Variants in PTPRD observed in about 807,000 individuals in gnomAD.
The protein encoded by PTPRD is receptor-type tyrosine-protein phosphatase delta.
In PTPRD, 34 loss-of-function variants were observed where a neutral mutation model predicts 214.5. The observed-to-expected ratio is 0.16, with a 90% CI of 0.12 to 0.21. The LOEUF is 0.21. Ranked by LOEUF, PTPRD falls within the 10% of genes least tolerant of loss-of-function variation. The pLI, the probability that PTPRD is intolerant of heterozygous loss-of-function variation, is 1.00. For synonymous variants in PTPRD, 1,128 were observed against 845.7 expected (o/e 1.33, Z -5.79); for missense variants, 2,545 against 2,398.7 (o/e 1.06, Z -1.27).
intron 7 of PTPRD, among the ~76,000 whole-genome samples, chr9:9,585,819 G>C (rs1209888118): frequency 6.6e-6 from 1 of 151,978 alleles, no homozygotes; most frequent in Non-Finnish European, 1.5e-5. Context: ...GAGACTCAAA[G>C]GTAGGTAGGG....
At chr9:8,818,653 T>C (rs2096973984) in intron 11 of PTPRD, among the ~76,000 whole-genome samples, 1 of 152,220 alleles carries the variant, frequency 6.6e-6, no homozygotes, top group Non-Finnish European at 1.5e-5. Flanking sequence ...TGAATTAGTA[T>C]TATATTCATT....
At chr9:10,420,848 A>G (rs1332274877) in intron 2 of PTPRD, among the ~76,000 whole-genome samples, 1 of 150,092 alleles carries the variant, frequency 6.7e-6, no homozygotes, top group Non-Finnish European at 1.5e-5. Context: ...CTTTTTTTTT[A>G]TTCTTTATAA....
chr9:9,843,721 T>A (rs538710777), intron 5 of PTPRD, among the ~76,000 whole-genome samples: 4 of 151,976 alleles, frequency 2.6e-5, no homozygotes, highest in African/African-American at 9.6e-5. Flanking sequence ...ATCTAGAAAA[T>A]CAACATAAGC....
chr9:8,722,452 G>A (rs990168231), intron 12 of PTPRD, among the ~76,000 whole-genome samples: 1 of 151,798 alleles, frequency 6.6e-6, no homozygotes, highest in African/African-American at 2.4e-5. Flanking sequence ...ATTCCCATTG[G>A]TCTTAAAATA....
At chr9:9,991,081 C>T (rs1219025753) in intron 4 of PTPRD, among the ~76,000 whole-genome samples, 1 of 150,352 alleles carries the variant, frequency 6.7e-6, no homozygotes, top group African/African-American at 2.4e-5. Flanking sequence ...ATTACAGGCA[C>T]CCACCACCAC....
At chr9:8,593,740 C>G (rs1242241530) in intron 14 of PTPRD, among the ~76,000 whole-genome samples, 1 of 152,126 alleles carries the variant, frequency 6.6e-6, no homozygotes, top group Non-Finnish European at 1.5e-5. Context: ...TTGGAAAATG[C>G]AACTTCTAAA....
intron 11 of PTPRD, among the ~76,000 whole-genome samples, chr9:8,768,073 T>C (rs116704088): frequency 6.6e-6 from 1 of 152,136 alleles, no homozygotes; most frequent in Non-Finnish European, 1.5e-5. Context: ...AAGACAGTTG[T>C]TACTATTTGG....
intron 2 of PTPRD, among the ~76,000 whole-genome samples, chr9:10,552,110 T>C (rs1053665032): frequency 3.3e-5 from 5 of 152,188 alleles, no homozygotes; most frequent in Non-Finnish European, 7.3e-5. Flanking sequence ...CTCTTTTTAT[T>C]AGTACAATTT....
At chr9:8,865,682 A>T (rs12685753) in intron 11 of PTPRD, among the ~76,000 whole-genome samples, 29,223 of 152,040 alleles carry the variant, frequency 0.19, 3,181 homozygotes, top group East Asian at 0.3. Context: ...CTAGAAGCAG[A>T]TCTCAAAAAA....
chr9:8,567,192 T>G (rs10511501), intron 14 of PTPRD, among the ~76,000 whole-genome samples: 3,852 of 152,304 alleles, frequency 0.025, 179 homozygotes, highest in East Asian at 0.16. Context: ...GCAGATGGGT[T>G]CCATGATGAA....
intron 12 of PTPRD, among the ~76,000 whole-genome samples, chr9:8,655,079 C>T (rs983386874): frequency 3.9e-4 from 59 of 151,994 alleles, no homozygotes; most frequent in African/African-American, 1.4e-3. Context: ...AAGCAATCAA[C>T]GATTCAAAAA....
intron 8 of PTPRD, among the ~76,000 whole-genome samples, chr9:9,486,154 A>AAAAAAAAAAG (rs2095625032): frequency 1.2e-5 from 1 of 82,472 alleles, no homozygotes; most frequent in African/African-American, 4.8e-5. Context: ...CTCTCTCAAA[A>AAAAAAAAAAG]AAAAAAAAAA....
chr9:8,911,415 T>TGTGTGTTGTGTGTGTG (rs1555510111), intron 11 of PTPRD, among the ~76,000 whole-genome samples: 1 of 127,732 alleles, frequency 7.8e-6, no homozygotes, highest in South Asian at 2.6e-4. Flanking sequence ...TGTGTGTGTG[T>TGTGTGTTGTGTGTGTG]TGTGTGTGTG....
chr9:8,476,756 T>A (rs2096773994), intron 30 of PTPRD, among the ~76,000 whole-genome samples: 1 of 152,226 alleles, frequency 6.6e-6, no homozygotes, highest in African/African-American at 2.4e-5. Context: ...CATGGAATTA[T>A]TCTTCCACTG....
At chr9:8,548,552 G>A (rs1447745798) in intron 14 of PTPRD, among the ~76,000 whole-genome samples, 1 of 151,838 alleles carries the variant, frequency 6.6e-6, no homozygotes, top group Non-Finnish European at 1.5e-5. Context: ...ATTTTTAGTA[G>A]AGATGGGGTT....
At chr9:9,347,531 G>C (rs993628909) in intron 9 of PTPRD, among the ~76,000 whole-genome samples, 3 of 151,794 alleles carry the variant, frequency 2.0e-5, no homozygotes, top group Admixed American at 6.6e-5. Flanking sequence ...ATGCAGAGTG[G>C]GTGTTTCTGT....
At chr9:8,829,148 C>T (rs928530265) in intron 11 of PTPRD, among the ~76,000 whole-genome samples, 1 of 151,936 alleles carries the variant, frequency 6.6e-6, no homozygotes, top group African/African-American at 2.4e-5. Flanking sequence ...GTGAATTGCC[C>T]GGGTTTTAGG....
At chr9:8,546,000 T>G (rs1449960780) in intron 14 of PTPRD, among the ~76,000 whole-genome samples, 3 of 152,184 alleles carry the variant, frequency 2.0e-5, no homozygotes, top group Non-Finnish European at 4.4e-5. Context: ...ACCAACCTCT[T>G]TAGTTTTCAT....
At chr9:10,385,934 T>C (rs1223911273) in intron 2 of PTPRD, among the ~76,000 whole-genome samples, 1 of 151,868 alleles carries the variant, frequency 6.6e-6, no homozygotes, top group Non-Finnish European at 1.5e-5. Context: ...TAGCAAAAAA[T>C]CACATATTCT....
Sources: gnomAD v4.1 joint callset for allele counts (sites outside exome capture counted in the v4.1 genomes callset) on GRCh38, gnomAD v4.1.1 for gene constraint, MANE v1.5 for transcripts, NCBI Gene and HGNC (gene_info 2026-07-23, HGNC 2026-07-21) for gene names.